Variants in RBM19 observed in about 807,000 individuals in gnomAD.
The protein encoded by RBM19 is probable RNA-binding protein 19.
RBM19 carries 94 observed loss-of-function variants against 116.8 expected under a neutral mutation model. That is an observed-to-expected ratio of 0.80 (90% confidence interval 0.68 to 0.95). The LOEUF (loss-of-function observed/expected upper bound fraction) is 0.95. Among genes scored for constraint, RBM19 ranks in the 40% least tolerant of loss-of-function variants. The pLI is 0.00. For missense variants in RBM19, 1,161 were observed against 1,220.7 expected (o/e 0.95, Z 0.73); for synonymous variants, 475 against 494.1 (o/e 0.96, Z 0.51).
intron 21 of RBM19, among the ~76,000 whole-genome samples, chr12:113,909,385 T>A (rs1882287269): frequency 1.3e-5 from 2 of 151,890 alleles, no homozygotes; most frequent in African/African-American, 2.4e-5. Context: ...CCTCCCAAAG[T>A]GCGGGAACAG....
At chr12:113,913,003 C>T (rs750049526) in intron 21 of RBM19, among the ~76,000 whole-genome samples, 3 of 152,118 alleles carry the variant, frequency 2.0e-5, no homozygotes, top group Non-Finnish European at 2.9e-5. Context: ...AAACTCTCAT[C>T]AGAACAATGG....
rs1187562695 is a variant in RBM19 at position 113,900,798 on chromosome 12, CAT to C, written c.2558+14169_2558+14170del. Among the ~76,000 whole-genome samples the C allele has an allele frequency of 4.6e-5, 7 of 152,306 alleles. No individual in the cohort carries two copies. The East Asian group carries it at 1.3e-3, about 29-fold the overall frequency. ...AGCAGTAACTTTTACAGCCTCTGATCATCCTCTGGACATATTGGTAGGATGAT... is the reference window on the plus strand; with the variant it reads ...AGCAGTAACTTTTACAGCCTCTGATCCCTCTGGACATATTGGTAGGATGAT... On this transcript the variant is annotated intron_variant, in intron 21 of 23. Transcript: ENST00000261741.
Position 113,957,791 on chromosome 12 carries a change from G to A in RBM19, c.831C>T (p.Ala277=), listed in dbSNP as rs1872092543. The A allele has an allele frequency of 6.3e-7, 1 of 1,593,562 alleles. No homozygotes were observed. Among genetic ancestry groups the A allele is most frequent in the Admixed American group, 1.7e-5 (1 of 58,156 alleles). The change falls in exon 6 of 24, where the codon GCC becomes GCT. Residue 277 remains alanine, a synonymous_variant. Transcript: ENST00000261741. ...MPAGKKRPPE[A]RAETEKPANQ... Reference sequence around the variant, plus strand: ...CGGGATACACACGCACCTCGGCTCTGGCCTCCGGTGGTCTCTTTTTCCCAG... The same window carrying A: ...CGGGATACACACGCACCTCGGCTCTAGCCTCCGGTGGTCTCTTTTTCCCAG...
At chr12:113,849,921 C>CT (rs1157736161) in intron 22 of RBM19, among the ~76,000 whole-genome samples, 7 of 152,190 alleles carry the variant, frequency 4.6e-5, no homozygotes, top group African/African-American at 1.7e-4. Context: ...AAATGGGTGG[C>CT]ACTTCTGGGA....
At chr12:113,857,602 G>A (rs1325258579) in intron 22 of RBM19, among the ~76,000 whole-genome samples, 1 of 152,260 alleles carries the variant, frequency 6.6e-6, no homozygotes, top group Non-Finnish European at 1.5e-5. Context: ...CGAGGGAAAG[G>A]CTGCCAGCCA....
chr12:113,858,272 C>T (rs1042733915), intron 22 of RBM19, among the ~76,000 whole-genome samples: 2 of 152,224 alleles, frequency 1.3e-5, no homozygotes, highest in African/African-American at 2.4e-5. Flanking sequence ...TCGGTATGCA[C>T]GCTTGCATGC....
chr12:113,925,226 C>T (rs189908277), intron 17 of RBM19, among the ~76,000 whole-genome samples: 1 of 152,268 alleles, frequency 6.6e-6, no homozygotes, highest in Admixed American at 6.5e-5. Context: ...ACCTGGTTCC[C>T]GGCTACGTCT....
intron 21 of RBM19, among the ~76,000 whole-genome samples, chr12:113,866,065 A>C (rs759670377): frequency 2.6e-5 from 4 of 152,208 alleles, no homozygotes; most frequent in Non-Finnish European, 5.9e-5. Context: ...GTGCAGGGTC[A>C]AGCCTGCTCT....
In RBM19 at chr12:113,822,971, G is replaced by A. The variant is rs1361477668; in HGVS notation, c.*253C>T. 1 of 486,420 alleles carries A rather than the reference G, an allele frequency of 2.1e-6. No individual in the cohort carries two copies. Among genetic ancestry groups the A allele is most frequent in the African/African-American group, 2.0e-5 (1 of 50,882 alleles). 30.1% of individuals were successfully genotyped at this position (486,420 alleles called of 1,614,324 possible). A position where few individuals can be genotyped will look rare whatever the true frequency, so the allele number is the denominator to read the frequency against. On this transcript the variant is annotated 3_prime_UTR_variant, in exon 24 of 24. Transcript: ENST00000261741. ...TGGCTGCTCCCTTGGACTCTTCCGT[G>A]TCTGCTACAGAGCAGGTGCGCAGTC...
At chr12:113,818,663 TC>T (rs1565953499), downstream of RBM19, among the ~76,000 whole-genome samples, 1 of 152,198 alleles carries the variant, frequency 6.6e-6, no homozygotes, top group Non-Finnish European at 1.5e-5. Context: ...TCTTAACCAA[TC>T]CAATGAGGCA....
At position 113,914,894 on chromosome 12, in the gene RBM19, A is replaced by C; in HGVS notation, c.2558+75T>G. 2.3e-6 allele frequency: 3 copies of C among 1,319,840 alleles called. No individual in the cohort carries two copies. In the South Asian group the frequency reaches 3.5e-5, roughly 16 times the overall value. The allele number at this position is 1,319,840 out of a possible 1,614,324, so 81.8% of individuals were successfully genotyped here. A position where few individuals can be genotyped will look rare whatever the true frequency, so the allele number is the denominator to read the frequency against. ...TGCAACGGAACCATCCAGGACCCAA[A>C]GGCCATCTTCCCTGAGACTCGGGCA... On this transcript the variant is annotated intron_variant, in intron 21 of 23. Transcript: ENST00000261741.
At chr12:113,818,036 C>T (rs1020673942), downstream of RBM19, 2 of 152,070 alleles carry the variant, frequency 1.3e-5, no homozygotes, top group Non-Finnish European at 2.9e-5. Flanking sequence ...CGAGACCAGC[C>T]TGGTCTACAT....
chr12:113,931,686 G>A lies in RBM19; in HGVS notation c.2069-4457C>T, dbSNP rs189287970. 4.7e-3 allele frequency among the ~76,000 whole-genome samples: 722 copies of A among 152,170 alleles called. 10 individuals carry two copies. Among genetic ancestry groups the A allele is most frequent in the Middle Eastern group, 0.017 (5 of 294 alleles). On this transcript the variant is annotated intron_variant, in intron 16 of 23. Transcript: ENST00000261741. ...CTTTTCTGATGGCCGAGCCTGCCAA[G>A]CCCCCTTCCTACCACAGGGCCTTTG...
At chr12:113,834,786 T>C (rs10431391) in intron 23 of RBM19, among the ~76,000 whole-genome samples, 11,641 of 152,224 alleles carry the variant, frequency 0.076, 582 homozygotes, top group East Asian at 0.17. Flanking sequence ...AGTTCTGCAG[T>C]GTCCAGACCG....
intron 23 of RBM19, among the ~76,000 whole-genome samples, chr12:113,841,422 C>CTTTTTTT (rs71089416): frequency 6.9e-5 from 9 of 130,016 alleles, no homozygotes; most frequent in Non-Finnish European, 9.9e-5. Context: ...TTTTTCTTTT[C>CTTTTTTT]TTTTTTTTTT....
chr12:113,949,129 CA>C, intron 9 of RBM19, 93 bp from the exon 10 acceptor site: 1 of 1,170,982 alleles, frequency 8.5e-7, no homozygotes, highest in Non-Finnish European at 1.2e-6. Flanking sequence ...TGCTGCCTTC[CA>C]AAAAACACAA....
At position 113,946,241 on chromosome 12, in the gene RBM19, AG is replaced by A; in HGVS notation, c.1529+112del. On this transcript the variant is annotated intron_variant, in intron 12 of 23. Coordinates refer to ENST00000261741, the MANE Select transcript of RBM19 (RefSeq NM_016196.4). ...CAGATGAGAAAACTGAAGCTCGGTA[AG>A]GTATGAACTAAACCCATCAGGAGTC... 10 of 1,401,584 alleles carry A rather than the reference AG, an allele frequency of 7.1e-6. No individual in the cohort carries two copies. In the South Asian group the frequency reaches 1.3e-4, roughly 18 times the overall value. The allele number at this position is 1,401,584 out of a possible 1,614,324, so 86.8% of individuals were successfully genotyped here. A position where few individuals can be genotyped will look rare whatever the true frequency, so the allele number is the denominator to read the frequency against.
intron 21 of RBM19, among the ~76,000 whole-genome samples, chr12:113,887,551 C>T (rs1350349014): frequency 3.2e-3 from 11 of 3,416 alleles, no homozygotes; most frequent in African/African-American, 5.5e-3. Flanking sequence ...GCAGGAGAAT[C>T]GCTTAAACCC....
intron 21 of RBM19, among the ~76,000 whole-genome samples, chr12:113,883,365 A>G (rs1051543811): frequency 6.6e-6 from 1 of 152,256 alleles, no homozygotes; most frequent in Admixed American, 6.5e-5. Flanking sequence ...TTGATGCCAC[A>G]TGTGGGTCAG....
Sources: gnomAD v4.1 joint callset for allele counts (sites outside exome capture counted in the v4.1 genomes callset) on GRCh38, gnomAD v4.1.1 for gene constraint, MANE v1.5 for transcripts, NCBI Gene and HGNC (gene_info 2026-07-23, HGNC 2026-07-21) for gene names.